The following PHF2 variants were observed in gnomAD, a reference collection of about 807,000 sequenced individuals.
PHF2 encodes the protein lysine-specific demethylase PHF2.
PHF2 carries 27 observed loss-of-function variants against 120.5 expected under a neutral mutation model. The observed-to-expected ratio is 0.22, with a 90% CI of 0.17 to 0.31. The LOEUF (loss-of-function observed/expected upper bound fraction) is 0.31, where lower values mean the gene tolerates loss of function less well. Among genes scored for constraint, PHF2 ranks in the 10% least tolerant of loss-of-function variants. PHF2 has a pLI of 1.00. For synonymous variants in PHF2, 568 were observed against 592.5 expected, an observed-to-expected ratio of 0.96 and a Z score of 0.60; for missense variants, 1,024 against 1,434.8, an observed-to-expected ratio of 0.71 and a Z score of 4.63.
intron 3 of PHF2, among the ~76,000 whole-genome samples, chr9:93,638,253 A>T (rs1411354305): frequency 6.6e-6 from 1 of 151,692 alleles, no homozygotes; most frequent in Non-Finnish European, 1.5e-5. Flanking sequence ...TACTTTCTTG[A>T]TAGTGCCATT....
chr9:93,628,238 T>A (rs923020064), intron 1 of PHF2, among the ~76,000 whole-genome samples: 1 of 152,232 alleles, frequency 6.6e-6, no homozygotes, highest in Non-Finnish European at 1.5e-5. Flanking sequence ...TGTCTGGCTT[T>A]GGGCTCAGGG....
intron 1 of PHF2, among the ~76,000 whole-genome samples, chr9:93,577,111 A>C (rs1862836139): frequency 1.4e-5 from 2 of 145,994 alleles, no homozygotes; most frequent in Non-Finnish European, 3.0e-5. Context: ...GCCGCGCACA[A>C]AGCGAGGCCC....
At position 93,664,872 on chromosome 9, in the gene PHF2, G is replaced by A. The variant is rs78152024; in HGVS notation, c.1938-814G>A. On this transcript the variant is annotated intron_variant, in intron 14 of 21. Transcript: ENST00000359246. ...GCCCAGCCCGTAAGGCAGCGGGCTC[G>A]CCGCCCCTTCACTTAGAGCATTGGA... 8.3e-3 allele frequency among the ~76,000 whole-genome samples: 1,263 copies of A among 152,338 alleles called. 14 individuals carry two copies. Among genetic ancestry groups the A allele is most frequent in the Middle Eastern group, 0.031 (9 of 294 alleles).
At chr9:93,615,342 G>A (rs1466127102) in intron 1 of PHF2, among the ~76,000 whole-genome samples, 6 of 151,180 alleles carry the variant, frequency 4.0e-5, no homozygotes, top group African/African-American at 1.5e-4. Flanking sequence ...GGTGATGATA[G>A]CAATGATGGT....
rs1188595986 is a variant in PHF2 at position 93,629,312 on chromosome 9, CTT to C, written c.99-656_99-655del. 2.6e-5 allele frequency among the ~76,000 whole-genome samples: 4 copies of C among 152,198 alleles called. No individual in the cohort carries two copies. The South Asian group carries it at 6.2e-4, about 24-fold the overall frequency. Reference sequence around the variant, plus strand: ...GTCTTAGGTTGTGTCCTTTGATACTCTTTGTGTTCATTCCTCAAATGGCTTAA... The same window carrying C: ...GTCTTAGGTTGTGTCCTTTGATACTCTGTGTTCATTCCTCAAATGGCTTAA... On this transcript the variant is annotated intron_variant, in intron 1 of 21. Coordinates refer to ENST00000359246, the MANE Select transcript of PHF2 (RefSeq NM_005392.4).
intron 19 of PHF2, 76 bp downstream of exon 19, chr9:93,675,098 G>GC (rs1450850367): frequency 3.3e-6 from 4 of 1,200,282 alleles, no homozygotes; most frequent in Admixed American, 1.7e-5. Flanking sequence ...GGTCCCTCCA[G>GC]CCCCTGAGAA....
At chr9:93,621,362 C>T (rs777351684) in intron 1 of PHF2, among the ~76,000 whole-genome samples, 13 of 152,240 alleles carry the variant, frequency 8.5e-5, no homozygotes, top group Non-Finnish European at 1.3e-4. Context: ...TCTCTTTTCT[C>T]TCAGTCTCTT....
chr9:93,590,197 A>T (rs1425286015), intron 1 of PHF2, among the ~76,000 whole-genome samples: 1 of 152,248 alleles, frequency 6.6e-6, no homozygotes, highest in East Asian at 1.9e-4. Flanking sequence ...TGTCAATTCA[A>T]CCAGAAAGGT....
intron 1 of PHF2, among the ~76,000 whole-genome samples, chr9:93,611,946 T>G (rs986751008): frequency 2.0e-5 from 3 of 152,232 alleles, no homozygotes; most frequent in African/African-American, 7.2e-5. Context: ...CACCAAAGTG[T>G]GGCCTCTCCA....
intron 6 of PHF2, among the ~76,000 whole-genome samples, chr9:93,653,629 C>A (rs1186734595): frequency 6.6e-6 from 1 of 152,108 alleles, no homozygotes; most frequent in Non-Finnish European, 1.5e-5. Flanking sequence ...CACCAGGTGA[C>A]CATGCACTTA....
At position 93,677,643 on chromosome 9, in the gene PHF2, G is replaced by T. The variant is rs1402184513; in HGVS notation, c.3258G>T (p.Leu1086Phe). 6.2e-7 allele frequency: 1 copy of T among 1,613,870 alleles called. No individual in the cohort carries two copies. Among genetic ancestry groups the T allele is most frequent in the Admixed American group, 1.7e-5 (1 of 60,008 alleles). Residue 1086 changes from leucine to phenylalanine, a missense_variant, in exon 22 of 22, where the codon TTG becomes TTT. Physicochemically the swap from Leu to Phe is conservative, Grantham distance 22. Transcript: ENST00000359246. The surrounding 1 kb of genome is among the most constrained non-coding windows in gnomAD (Gnocchi z 4.4). Reference protein sequence around the residue: ...ATAKQRLGKILKIHRNGKLLL With the variant: ...ATAKQRLGKIFKIHRNGKLLL ...CCAAGCAGAGGCTTGGGAAAATTTT[G>T]AAAATTCATCGGAACGGGAAACTAC...
rs1030294453 is a variant in PHF2, at chr9:93,576,727, C to T, written c.-47C>T. On this transcript the variant is annotated 5_prime_UTR_variant, in exon 1 of 22. Transcript: ENST00000359246. ...CGGCCCCCGGCCCGGCCCGGACCGACCCGGGCAGCGCAGCGGCGGGGCCGA... is the reference window on the plus strand; with the variant it reads ...CGGCCCCCGGCCCGGCCCGGACCGATCCGGGCAGCGCAGCGGCGGGGCCGA... 4 of 976,948 alleles carry T rather than the reference C, an allele frequency of 4.1e-6. No homozygotes were observed. Among genetic ancestry groups the T allele is most frequent in the Non-Finnish European group, 5.1e-6 (4 of 788,010 alleles). The allele number at this position is 976,948 out of a possible 1,614,324, so 60.5% of individuals were successfully genotyped here.
intron 1 of PHF2, among the ~76,000 whole-genome samples, chr9:93,621,554 G>C (rs1260149835): frequency 6.6e-6 from 1 of 152,222 alleles, no homozygotes; most frequent in Non-Finnish European, 1.5e-5. Flanking sequence ...TGCCAGGGCA[G>C]AGCGTCCTAA....
chr9:93,600,166 TTGTG>T (rs1227778429), intron 1 of PHF2, among the ~76,000 whole-genome samples: 1 of 151,788 alleles, frequency 6.6e-6, no homozygotes, highest in Non-Finnish European at 1.5e-5. Flanking sequence ...TGTGTGCAGT[TTGTG>T]TGCTGTGTGT....
At chr9:93,648,604 T>C (rs1826303825) in intron 4 of PHF2, among the ~76,000 whole-genome samples, 2 of 152,256 alleles carry the variant, frequency 1.3e-5, no homozygotes, top group Non-Finnish European at 1.5e-5. Context: ...CCTGAACTTT[T>C]CTTTGTCAAC....
intron 1 of PHF2, among the ~76,000 whole-genome samples, chr9:93,577,476 C>T (rs971941723): frequency 1.2e-4 from 19 of 152,072 alleles, no homozygotes; most frequent in Admixed American, 1.2e-3. Flanking sequence ...TGGACCTTGT[C>T]CCCGAGGGCA....
At position 93,667,256 on chromosome 9, in the gene PHF2, C is replaced by T. The variant is rs746755416; in HGVS notation, c.2348+16C>T. The T allele has an allele frequency of 1.8e-5, 29 of 1,603,446 alleles. No individual in the cohort carries two copies. The highest frequency in any genetic ancestry group is 2.2e-5 in the South Asian group (2 of 89,678). On this transcript the variant is annotated intron_variant, in intron 17 of 21. Transcript: ENST00000359246. ...ACCCCAGCAGGTGGGCCCCACCACC[C>T]GGCAGCACCCAAGAGCGGGGACCAG...
At chr9:93,671,154 A>T (rs984506349) in intron 17 of PHF2, 2 of 969,160 alleles carry the variant, frequency 2.1e-6, no homozygotes, top group Non-Finnish European at 2.4e-6. Context: ...GCAGGTGTGG[A>T]TGTAGGTGTG....
intron 3 of PHF2, 133 bp downstream of exon 3, chr9:93,636,658 T>C (rs1564390026): frequency 1.1e-5 from 8 of 717,760 alleles, no homozygotes; most frequent in Non-Finnish European, 1.8e-5. Flanking sequence ...AGGAAGCCTG[T>C]CTCCTGGAGG....
Sources: allele counts gnomAD v4.1 joint callset (sites outside exome capture counted in the v4.1 genomes callset), GRCh38; gene constraint gnomAD v4.1.1; non-coding constraint Gnocchi (gnomAD v3.1); transcripts MANE v1.5; gene names NCBI Gene and HGNC (gene_info 2026-07-23, HGNC 2026-07-21).